MDGA2: variants seen among roughly 807,000 people sequenced by gnomAD.
The protein encoded by MDGA2 is MAM domain containing glycosylphosphatidylinositol anchor 2.
MDGA2 carries 40 observed loss-of-function variants against 117.8 expected under a neutral mutation model. The observed-to-expected ratio is 0.34, with a 90% CI of 0.26 to 0.44. The LOEUF is 0.44. Ranked by LOEUF, MDGA2 falls within the 20% of genes least tolerant of loss-of-function variation. The pLI is 1.00. For synonymous variants in MDGA2, 452 were observed against 439.0 expected, an observed-to-expected ratio of 1.03 and a Z score of -0.37; for missense variants, 1,123 against 1,250.6, an observed-to-expected ratio of 0.90 and a Z score of 1.54.
chr14:46,994,890 A>G (rs1403202698), intron 8 of MDGA2, among the ~76,000 whole-genome samples: 1 of 152,156 alleles, frequency 6.6e-6, no homozygotes, highest in Non-Finnish European at 1.5e-5. Flanking sequence ...CACAAAGGAT[A>G]GCTCCTTTAA....
intron 8 of MDGA2, among the ~76,000 whole-genome samples, chr14:46,984,309 A>C (rs947248328): frequency 6.6e-6 from 1 of 152,072 alleles, no homozygotes; most frequent in African/African-American, 2.4e-5. Context: ...TTTGTCATAC[A>C]AATACGGAAG....
chr14:47,519,285 T>C (rs1354690790), intron 1 of MDGA2, among the ~76,000 whole-genome samples: 1 of 152,218 alleles, frequency 6.6e-6, no homozygotes, highest in Non-Finnish European at 1.5e-5. Context: ...TCTTAATCTA[T>C]TTTATATTTC....
chr14:47,557,845 T>G (rs1333111496), intron 1 of MDGA2, among the ~76,000 whole-genome samples: 1 of 152,188 alleles, frequency 6.6e-6, no homozygotes, highest in Non-Finnish European at 1.5e-5. Flanking sequence ...TGATTTGGCC[T>G]CCCTTTATTA....
At chr14:46,970,349 A>G (rs890787822) in intron 8 of MDGA2, among the ~76,000 whole-genome samples, 5 of 152,144 alleles carry the variant, frequency 3.3e-5, no homozygotes, top group Admixed American at 1.3e-4. Flanking sequence ...TCGTATAAAA[A>G]CAGACTTAGA....
chr14:46,844,874 A>T (rs188574186), intron 16 of MDGA2, among the ~76,000 whole-genome samples: 3 of 151,294 alleles, frequency 2.0e-5, no homozygotes, highest in African/African-American at 7.3e-5. Context: ...GATGATTTTT[A>T]TTATTATTAT....
At chr14:47,659,238 T>C (rs970023216) in intron 1 of MDGA2, among the ~76,000 whole-genome samples, 3 of 152,184 alleles carry the variant, frequency 2.0e-5, no homozygotes, top group African/African-American at 4.8e-5. Flanking sequence ...CAGAGCACAA[T>C]AGTAGGTTGA....
intron 5 of MDGA2, among the ~76,000 whole-genome samples, chr14:47,130,672 GC>G (rs1882158225): frequency 6.6e-6 from 1 of 152,056 alleles, no homozygotes; most frequent in Non-Finnish European, 1.5e-5. Context: ...TGTTTCACAT[GC>G]TTTATACGTA....
chr14:47,219,382 A>G (rs940622413), intron 2 of MDGA2, among the ~76,000 whole-genome samples: 1 of 152,088 alleles, frequency 6.6e-6, no homozygotes, highest in Non-Finnish European at 1.5e-5. Context: ...AATTTTAAAA[A>G]TCTGTAAATC....
chr14:46,987,054 T>C (rs1282953290), intron 8 of MDGA2, among the ~76,000 whole-genome samples: 1 of 152,106 alleles, frequency 6.6e-6, no homozygotes, highest in Admixed American at 6.6e-5. Flanking sequence ...TATGTATGTG[T>C]CTGCATATTG....
At chr14:47,401,356 G>C (rs776367317) in intron 1 of MDGA2, among the ~76,000 whole-genome samples, 5 of 152,102 alleles carry the variant, frequency 3.3e-5, no homozygotes, top group African/African-American at 1.2e-4. Context: ...AGCTTAGAAT[G>C]CCTTAAGATT....
chr14:46,980,848 GACA>G (rs562361100), intron 8 of MDGA2, among the ~76,000 whole-genome samples: 429 of 152,162 alleles, frequency 2.8e-3, no homozygotes, highest in African/African-American at 9.8e-3. Flanking sequence ...ACACTTAATA[GACA>G]ACAATATAAT....
chr14:47,306,478 TA>T (rs199771589), intron 1 of MDGA2, among the ~76,000 whole-genome samples: 13,555 of 116,560 alleles, frequency 0.12, 741 homozygotes, highest in Non-Finnish European at 0.13. Flanking sequence ...AACGTGCTGC[TA>T]ATCAGGCATT....
At chr14:47,551,840 C>T (rs1895588038) in intron 1 of MDGA2, among the ~76,000 whole-genome samples, 1 of 151,860 alleles carries the variant, frequency 6.6e-6, no homozygotes, top group Non-Finnish European at 1.5e-5. Context: ...CCCATTTGTC[C>T]TTTCCCGGTA....
chr14:47,521,195 CTG>C (rs1248931775), intron 1 of MDGA2, among the ~76,000 whole-genome samples: 2 of 152,252 alleles, frequency 1.3e-5, no homozygotes, highest in Non-Finnish European at 2.9e-5. Context: ...GGTTCAATGA[CTG>C]TAATTTTTTA....
intron 2 of MDGA2, among the ~76,000 whole-genome samples, chr14:47,268,321 C>T (rs767644633): frequency 2.6e-5 from 4 of 152,098 alleles, no homozygotes; most frequent in East Asian, 1.9e-4. Context: ...GTGATCCACC[C>T]GCCTCGGCCT....
intron 1 of MDGA2, among the ~76,000 whole-genome samples, chr14:47,349,931 G>C (rs1250880127): frequency 1.3e-5 from 2 of 152,196 alleles, no homozygotes; most frequent in Admixed American, 1.3e-4. Flanking sequence ...CAGGAGATGA[G>C]AGGGCAAGAG....
intron 10 of MDGA2, among the ~76,000 whole-genome samples, chr14:46,892,559 T>C (rs141284983): frequency 7.7e-4 from 117 of 151,956 alleles, no homozygotes; most frequent in Admixed American, 1.4e-3. Context: ...ATTAACAAAA[T>C]GCAAAGATAG....
intron 1 of MDGA2, among the ~76,000 whole-genome samples, chr14:47,372,972 T>G (rs988907473): frequency 2.2e-4 from 34 of 152,102 alleles, no homozygotes; most frequent in African/African-American, 7.9e-4. Flanking sequence ...AAATTTGTAT[T>G]GTAGAACAAT....
At chr14:47,091,203 A>G (rs539977945) in intron 6 of MDGA2, among the ~76,000 whole-genome samples, 117 of 152,272 alleles carry the variant, frequency 7.7e-4, no homozygotes, top group Non-Finnish European at 1.4e-3. Context: ...TCCAGAAAAG[A>G]AATCTAATAT....
Sources: allele counts gnomAD v4.1 joint callset (sites outside exome capture counted in the v4.1 genomes callset), GRCh38; gene constraint gnomAD v4.1.1; transcripts MANE v1.5; gene names NCBI Gene and HGNC (gene_info 2026-07-23, HGNC 2026-07-21).